The following GRIK2 variants were observed in gnomAD, a reference collection of about 807,000 sequenced individuals.
GRIK2 encodes glutamate receptor ionotropic, kainate 2.
Under a neutral mutation model 100.3 loss-of-function variants are expected in GRIK2, and 32 were observed. The ratio of observed to expected loss-of-function variants is 0.32; its 90% CI spans 0.24 to 0.43. GRIK2 has a LOEUF of 0.43. Ranked by LOEUF, GRIK2 falls within the 20% of genes least tolerant of loss-of-function variation. The probability of loss-of-function intolerance (pLI) is 1.00; values close to 1 mark genes in which losing one functional copy is unlikely to be tolerated. For missense variants in GRIK2, 843 were observed against 1,114.9 expected (o/e 0.76, Z 3.47); for synonymous variants, 417 against 389.4 (o/e 1.07, Z -0.83).
chr6:102,006,815 G>T (rs9390799), intron 14 of GRIK2, among the ~76,000 whole-genome samples: 1 of 151,580 alleles, frequency 6.6e-6, no homozygotes, highest in Admixed American at 6.6e-5. Flanking sequence ...TAATAAAATC[G>T]CAAATAATCA....
At chr6:101,476,333 CT>C (rs1350478360) in intron 2 of GRIK2, among the ~76,000 whole-genome samples, 1 of 152,038 alleles carries the variant, frequency 6.6e-6, no homozygotes, top group African/African-American at 2.4e-5. Flanking sequence ...ATTATTTTTA[CT>C]TTTATTTTTA....
chr6:101,576,718 G>T (rs994113948), intron 2 of GRIK2, among the ~76,000 whole-genome samples: 6 of 152,064 alleles, frequency 3.9e-5, no homozygotes, highest in East Asian at 3.9e-4. Context: ...TAAGAAAAAT[G>T]GCATATATGT....
intron 7 of GRIK2, among the ~76,000 whole-genome samples, chr6:101,745,539 A>G (rs1167753475): frequency 6.6e-6 from 1 of 152,198 alleles, no homozygotes. Context: ...ATTTTTTGAG[A>G]AACGTTTTAT....
intron 7 of GRIK2, among the ~76,000 whole-genome samples, chr6:101,715,848 A>C (rs1352669754): frequency 4.6e-5 from 7 of 151,838 alleles, no homozygotes; most frequent in Non-Finnish European, 1.0e-4. Flanking sequence ...CGTATTCTAA[A>C]CAAGTCATCA....
At chr6:101,513,815 T>C (rs1774440737) in intron 2 of GRIK2, among the ~76,000 whole-genome samples, 1 of 141,970 alleles carries the variant, frequency 7.0e-6, no homozygotes, top group Non-Finnish European at 1.5e-5. Flanking sequence ...ACTATGATCA[T>C]TGGTCAGATA....
At position 101,517,014 on chromosome 6, in the gene GRIK2, A is replaced by G. The variant is rs550652365; in HGVS notation, c.116-104935A>G. On this transcript the variant is annotated intron_variant, in intron 2 of 16. Coordinates refer to ENST00000369134, the MANE Select transcript of GRIK2 (RefSeq NM_021956.5). ...AAATTCTCAGGTCACTACATAGGCA[A>G]TAGTCTATTGCCTTATTTTCTGGAT... 2.9e-4 allele frequency among the ~76,000 whole-genome samples: 44 copies of G among 152,268 alleles called. 1 individual carries two copies. In the South Asian group the frequency reaches 8.7e-3, roughly 30 times the overall value.
rs546842911 is a variant in GRIK2, at chr6:102,005,065, T to G, written c.2086-30276T>G. ...CATGTACTTCTTTTTACATATTTTG[T>G]TACTCCTGAATTTTTAATCTTTTGG... On this transcript the variant is annotated intron_variant, in intron 14 of 16. Transcript: ENST00000369134. 1.3e-3 allele frequency among the ~76,000 whole-genome samples: 205 copies of G among 151,870 alleles called. 3 individuals are homozygous for G. The highest frequency in any genetic ancestry group is 4.6e-3 in the African/African-American group (189 of 41,508).
intron 14 of GRIK2, among the ~76,000 whole-genome samples, chr6:102,033,784 AG>A (rs1770121877): frequency 6.6e-6 from 1 of 151,438 alleles, no homozygotes; most frequent in Non-Finnish European, 1.5e-5. Context: ...ATTTTAAGTG[AG>A]TTTATGTTTT....
At chr6:102,031,610 C>G (rs1770005314) in intron 14 of GRIK2, among the ~76,000 whole-genome samples, 1 of 151,038 alleles carries the variant, frequency 6.6e-6, no homozygotes, top group South Asian at 2.1e-4. Context: ...TCAACCGTTG[C>G]CCCCATCATC....
At chr6:101,891,625 ATTAG>A (rs922301566) in intron 12 of GRIK2, 12 of 391,566 alleles carry the variant, frequency 3.1e-5, no homozygotes, top group African/African-American at 1.3e-4. Flanking sequence ...TTTTTACCTA[ATTAG>A]TTAGATATTA....
intron 2 of GRIK2, among the ~76,000 whole-genome samples, chr6:101,464,023 A>G (rs1582507655): frequency 6.6e-6 from 1 of 152,206 alleles, no homozygotes; most frequent in African/African-American, 2.4e-5. Flanking sequence ...CTCCAAAAGA[A>G]AAAATATATA....
intron 2 of GRIK2, among the ~76,000 whole-genome samples, chr6:101,579,413 CTCTTTATCTT>C (rs1777947614): frequency 1.3e-5 from 2 of 152,056 alleles, no homozygotes; most frequent in South Asian, 4.2e-4. Context: ...TTCTCTTTGT[CTCTTTATCTT>C]TCTTTATCTT....
At chr6:101,710,308 G>A (rs1221221442) in intron 7 of GRIK2, among the ~76,000 whole-genome samples, 2 of 151,778 alleles carry the variant, frequency 1.3e-5, no homozygotes, top group Admixed American at 6.6e-5. Flanking sequence ...TTGTGGCTTT[G>A]CTGCTTACTG....
intron 12 of GRIK2, among the ~76,000 whole-genome samples, chr6:101,912,205 G>C (rs1243019196): frequency 6.6e-6 from 1 of 150,798 alleles, no homozygotes; most frequent in Non-Finnish European, 1.5e-5. Context: ...TGGGTATACG[G>C]CTAACTTGCA....
chr6:101,767,719 G>A (rs1778124409), intron 7 of GRIK2, among the ~76,000 whole-genome samples: 1 of 151,996 alleles, frequency 6.6e-6, no homozygotes, highest in African/African-American at 2.4e-5. Context: ...AGCATGGGTG[G>A]TGGGATCTGA....
chr6:102,028,237 T>A (rs539823240), intron 14 of GRIK2, among the ~76,000 whole-genome samples: 2 of 151,312 alleles, frequency 1.3e-5, no homozygotes, highest in African/African-American at 4.8e-5. Context: ...CAATTGTGAA[T>A]TTTAAAAGGG....
At chr6:102,067,248 T>G (rs1387944587) in intron 16 of GRIK2, among the ~76,000 whole-genome samples, 5 of 151,774 alleles carry the variant, frequency 3.3e-5, no homozygotes, top group Non-Finnish European at 7.4e-5. Context: ...TATTTATTAT[T>G]TTTGCAATGA....
chr6:101,858,553 A>ATT (rs145049489), intron 10 of GRIK2, among the ~76,000 whole-genome samples: 1 of 150,326 alleles, frequency 6.7e-6, no homozygotes, highest in Admixed American at 6.6e-5. Context: ...CGCCCAGCTA[A>ATT]TTTTTTTTGT....
At position 101,417,131 on chromosome 6, in the gene GRIK2, C is replaced by T. The variant is rs570971523; in HGVS notation, c.115+17739C>T. On this transcript the variant is annotated intron_variant, in intron 2 of 16. Coordinates refer to ENST00000369134, the MANE Select transcript of GRIK2 (RefSeq NM_021956.5). Reference sequence around the variant, plus strand: ...GGAGCAAAGCTACTGGCAGCAGGCACGAGAATGTGTGCAGGGGAACTGCCC... The same window carrying T: ...GGAGCAAAGCTACTGGCAGCAGGCATGAGAATGTGTGCAGGGGAACTGCCC... 6.6e-5 allele frequency among the ~76,000 whole-genome samples: 10 copies of T among 152,248 alleles called. 1 individual carries two copies. The highest frequency in any genetic ancestry group is 4.1e-4 in the South Asian group (2 of 4,828).
Sources: gnomAD v4.1 joint callset for allele counts (sites outside exome capture counted in the v4.1 genomes callset) on GRCh38, gnomAD v4.1.1 for gene constraint, MANE v1.5 for transcripts, NCBI Gene and HGNC (gene_info 2026-07-23, HGNC 2026-07-21) for gene names.